CGAS: variants seen among roughly 807,000 people sequenced by gnomAD.
CGAS encodes 2'3'-cGAMP synthase.
In CGAS, 31 loss-of-function variants were observed where a neutral mutation model predicts 34.0. The observed-to-expected ratio is 0.91, with a 90% CI of 0.69 to 1.23. The LOEUF is 1.23. Among genes scored for constraint, CGAS ranks in the 50% most tolerant of loss-of-function variants. The pLI is 0.00. For missense variants in CGAS, 597 were observed against 657.6 expected (o/e 0.91, Z 1.01); for synonymous variants, 266 against 260.0 (o/e 1.02, Z -0.22).
At chr6:73,440,667 C>T (rs1483489499) in intron 2 of CGAS, among the ~76,000 whole-genome samples, 1 of 151,936 alleles carries the variant, frequency 6.6e-6, no homozygotes, top group Non-Finnish European at 1.5e-5. Context: ...TTTGGGAGGC[C>T]GAGACAGGTG....
chr6:73,452,082 G>GA lies in CGAS; in HGVS notation c.99dup (p.Pro34SerfsTer14). 6.4e-7 allele frequency: 1 copy of GA among 1,573,524 alleles called. No homozygotes were observed. The highest frequency in any genetic ancestry group is 8.6e-7 in the Non-Finnish European group (1 of 1,160,700). On this transcript the variant is annotated frameshift_variant, in exon 1 of 5. Coordinates refer to ENST00000370315, the MANE Select transcript of CGAS (RefSeq NM_138441.3). LOFTEE classifies it high-confidence loss of function. The stretch of plus-strand genomic sequence containing the variant: ...TCGGGGGCAGCCGGAGACTCGGTGG[G>GA]ATCCATCGGGGCGCCCCTGGCATTC...
chr6:73,443,782 G>T (rs532044634), intron 2 of CGAS, among the ~76,000 whole-genome samples: 1 of 152,210 alleles, frequency 6.6e-6, no homozygotes, highest in Admixed American at 6.5e-5. Flanking sequence ...TGCAGTGAGT[G>T]CTCTGAAGGG....
Position 73,445,718 on chromosome 6 carries a change from C to T in CGAS, c.687G>A (p.Met229Ile), listed in dbSNP as rs1371821155. ...KISAPNEFDV[M>I]FKLEVPRIQL... ...GAATTCTGGGGACTTCCAGTTTAAA[C>T]ATGACATCAAATTCATTAGGTGCAG... Residue 229 changes from methionine (M) to isoleucine (I), a missense_variant, in exon 2 of 5, where the codon ATG (methionine) becomes ATA (isoleucine). Physicochemically the swap from Met to Ile is conservative, Grantham distance 10 (BLOSUM62 1). Around this residue, in one of 3 missense-constraint regions of CGAS, gnomAD observed 5 missense variants for 19.2 expected, o/e 0.26. Coordinates refer to ENST00000370315, the MANE Select transcript of CGAS (RefSeq NM_138441.3). 6.2e-7 allele frequency: 1 copy of T among 1,609,712 alleles called. No homozygotes were observed. The highest frequency in any genetic ancestry group is 8.5e-7 in the Non-Finnish European group (1 of 1,178,518).
At chr6:73,440,476 T>C (rs1747109591) in intron 2 of CGAS, 31 bp from the exon 3 acceptor site, 1 of 1,523,514 alleles carries the variant, frequency 6.6e-7, no homozygotes, top group South Asian at 1.2e-5. Context: ...AAAGAAAGTA[T>C]TTATTAATCC....
At chr6:73,441,082 CT>C (rs570875136) in intron 2 of CGAS, among the ~76,000 whole-genome samples, 128 of 136,184 alleles carry the variant, frequency 9.4e-4, no homozygotes, top group Non-Finnish European at 1.1e-3. Context: ...TTTTCTTTTT[CT>C]TTTTTTTTTT....
rs1043789045 is a variant in CGAS, at chr6:73,449,926, C to T, written c.657+1599G>A. Among the ~76,000 whole-genome samples, 5 of 151,412 alleles carry T rather than the reference C, an allele frequency of 3.3e-5. No individual in the cohort carries two copies. The South Asian group carries it at 6.3e-4, about 19-fold the overall frequency. Reference sequence around the variant, plus strand: ...AGGAGAATCGCTTGAACCTGGAAGCCGGAGGTTGCAGCGAAACCTAGATGG... The same window carrying T: ...AGGAGAATCGCTTGAACCTGGAAGCTGGAGGTTGCAGCGAAACCTAGATGG... On this transcript the variant is annotated intron_variant, in intron 1 of 4. Coordinates refer to ENST00000370315, the MANE Select transcript of CGAS (RefSeq NM_138441.3).
chr6:73,433,623 G>A (rs1770230645), intron 3 of CGAS, among the ~76,000 whole-genome samples: 1 of 151,818 alleles, frequency 6.6e-6, no homozygotes, highest in East Asian at 1.9e-4. Context: ...CGAGTAGCTA[G>A]GACTACAGGC....
intron 3 of CGAS, among the ~76,000 whole-genome samples, chr6:73,430,659 A>G (rs1401261276): frequency 2.6e-5 from 4 of 152,008 alleles, no homozygotes; most frequent in African/African-American, 9.7e-5. Context: ...AAGAAAATGA[A>G]AAAAGAAAAA....
At chr6:73,427,614 T>C (rs1177795597) in intron 4 of CGAS, among the ~76,000 whole-genome samples, 5 of 152,126 alleles carry the variant, frequency 3.3e-5, no homozygotes, top group Non-Finnish European at 7.4e-5. Flanking sequence ...ACTGGCCAAC[T>C]TTAGAAACTC....
At chr6:73,428,906 G>T in intron 3 of CGAS, 95 bp from the exon 4 acceptor site, 2 of 1,122,872 alleles carry the variant, frequency 1.8e-6, no homozygotes, top group Non-Finnish European at 2.5e-6. Flanking sequence ...ATATCCTGGG[G>T]CTGGGCATGG....
At chr6:73,446,020 G>T (rs951868836) in intron 1 of CGAS, among the ~76,000 whole-genome samples, 5 of 151,944 alleles carry the variant, frequency 3.3e-5, no homozygotes, top group African/African-American at 1.2e-4. Flanking sequence ...AAGTGCAGTG[G>T]CTCACACCTA....
Position 73,425,220 on chromosome 6 carries a change from T to C in CGAS, c.*7A>G. 1 of 1,544,062 alleles carries C rather than the reference T, an allele frequency of 6.5e-7. No individual in the cohort carries two copies. The highest frequency in any genetic ancestry group is 8.7e-7 in the Non-Finnish European group (1 of 1,143,014). On this transcript the variant is annotated 3_prime_UTR_variant, in exon 5 of 5. Transcript: ENST00000370315. ...TCTAGTTCTTAGATCTTTCTAAAAA[T>C]ACAATCTCAAAATTCATCAAAAACT...
In CGAS at chr6:73,452,137, G is replaced by A. The variant is rs148933122; in HGVS notation, c.45C>T (p.Ala15=). ...CGGAAGCCTTGGGGGCAGTGGCTCC[G>A]GCCTCGGAAGCTCTCTGCATGGCCT... ...HGKAMQRASE[A]GATAPKASAR... Residue 15 remains alanine (A), a synonymous_variant, in exon 1 of 5, where the codon GCC becomes GCT. Coordinates refer to ENST00000370315, the MANE Select transcript of CGAS (RefSeq NM_138441.3). 9.3e-6 allele frequency: 15 copies of A among 1,607,312 alleles called. No homozygotes were observed. In the African/African-American group the frequency reaches 1.2e-4, roughly 13 times the overall value.
chr6:73,425,148 T>C lies in CGAS; in HGVS notation c.*79A>G. On this transcript the variant is annotated 3_prime_UTR_variant, in exon 5 of 5. Coordinates refer to ENST00000370315, the MANE Select transcript of CGAS (RefSeq NM_138441.3). ...GATTACAGGTGTGAGCCACAGCGTCTGGCCCCTTTTCAAATTTTTCTTGTA... is the reference window on the plus strand; with the variant it reads ...GATTACAGGTGTGAGCCACAGCGTCCGGCCCCTTTTCAAATTTTTCTTGTA... 3 of 1,068,204 alleles carry C rather than the reference T, an allele frequency of 2.8e-6. No individual in the cohort carries two copies. The highest frequency in any genetic ancestry group is 4.0e-6 in the Non-Finnish European group (3 of 751,744). The allele number at this position is 1,068,204 out of a possible 1,614,324, so 66.2% of individuals were successfully genotyped here.
intron 4 of CGAS, among the ~76,000 whole-genome samples, chr6:73,427,349 G>C (rs1348148709): frequency 6.6e-6 from 1 of 151,656 alleles, no homozygotes; most frequent in East Asian, 1.9e-4. Flanking sequence ...GCCCAGGCTG[G>C]AGTGCAGTGG....
chr6:73,451,552 G>A lies in CGAS; in HGVS notation c.630C>T (p.Asn210=), dbSNP rs1026952396. ...DSAFRGVGLL[N]TGSYYEHVKI... ...TCACGTGCTCATAGTAGCTCCCGGT[G>A]TTCAGCAGCCCGACGCCTCTGAACG... is the stretch of plus-strand genomic sequence containing the variant. Residue 210 remains asparagine, a synonymous_variant, in exon 1 of 5, where the codon AAC becomes AAT. Coordinates refer to ENST00000370315, the MANE Select transcript of CGAS (RefSeq NM_138441.3). The A allele has an allele frequency of 1.3e-6, 2 of 1,593,240 alleles. No homozygotes were observed. The highest frequency in any genetic ancestry group is 1.7e-6 in the Non-Finnish European group (2 of 1,170,790).
Position 73,445,525 on chromosome 6 carries a change from T to A in CGAS, c.877+3A>T. 1 of 1,590,500 alleles carries A rather than the reference T, an allele frequency of 6.3e-7. No homozygotes were observed. Among genetic ancestry groups the A allele is most frequent in the Non-Finnish European group, 8.6e-7 (1 of 1,168,548 alleles). ...TTTAAGAATCAAAAGGCAAAAGTCTTACCTTTAATGTCGTTAATTTCTTCC... is the reference window on the plus strand; with the variant it reads ...TTTAAGAATCAAAAGGCAAAAGTCTAACCTTTAATGTCGTTAATTTCTTCC... On this transcript the variant is annotated splice_donor_region_variant and intron_variant, in intron 2 of 4. Transcript: ENST00000370315.
intron 4 of CGAS, among the ~76,000 whole-genome samples, chr6:73,428,336 T>G (rs1770125343): frequency 6.6e-6 from 1 of 152,070 alleles, no homozygotes; most frequent in Non-Finnish European, 1.5e-5. Context: ...GAGCGACCTT[T>G]TGGCCTCCTC....
Position 73,452,293 on chromosome 6 carries a change from T to G in CGAS, c.-112A>C. 1 of 1,288,118 alleles carries G rather than the reference T, an allele frequency of 7.8e-7. No homozygotes were observed. Among genetic ancestry groups the G allele is most frequent in the East Asian group, 2.9e-5 (1 of 34,086 alleles). 79.8% of individuals were successfully genotyped at this position (1,288,118 alleles called of 1,614,324 possible). ...AGCACTACTGGCGGGCACACAAGAG[T>G]CTGCGACCCGAAGGGGAACCCCAGG... On this transcript the variant is annotated 5_prime_UTR_variant, in exon 1 of 5. Coordinates refer to ENST00000370315, the MANE Select transcript of CGAS (RefSeq NM_138441.3).
Sources: allele counts gnomAD v4.1 joint callset (sites outside exome capture counted in the v4.1 genomes callset), GRCh38; gene constraint gnomAD v4.1.1; regional missense constraint gnomAD v4.1.1; transcripts MANE v1.5; gene names NCBI Gene and HGNC (gene_info 2026-07-23, HGNC 2026-07-21).